The following ALK variants were observed in gnomAD, a reference collection of about 807,000 sequenced individuals.
The protein encoded by ALK is ALK tyrosine kinase receptor.
ALK carries 74 observed loss-of-function variants against 163.1 expected under a neutral mutation model. The ratio of observed to expected loss-of-function variants is 0.45; its 90% CI spans 0.38 to 0.55. The LOEUF is 0.55. ALK is among the 20% of genes least tolerant of loss of function. The pLI, the probability that ALK is intolerant of heterozygous loss-of-function variation, is 0.00. For synonymous variants in ALK, 960 were observed against 843.2 expected, an observed-to-expected ratio of 1.14 and a Z score of -2.40; for missense variants, 2,063 against 2,105.3, an observed-to-expected ratio of 0.98 and a Z score of 0.39.
intron 1 of ALK, among the ~76,000 whole-genome samples, chr2:29,736,224 A>G (rs544730363): frequency 7.2e-5 from 11 of 152,208 alleles, no homozygotes; most frequent in African/African-American, 2.7e-4. Context: ...AAAATTACAT[A>G]TATTGTATGA....
At chr2:29,421,333 G>A (rs1450870926) in intron 4 of ALK, among the ~76,000 whole-genome samples, 2 of 151,318 alleles carry the variant, frequency 1.3e-5, no homozygotes, top group African/African-American at 4.9e-5. Flanking sequence ...GATCGGGGTA[G>A]AAAAGAGAGT....
At chr2:29,415,118 C>G (rs1212970098) in intron 4 of ALK, among the ~76,000 whole-genome samples, 1 of 149,512 alleles carries the variant, frequency 6.7e-6, no homozygotes, top group Non-Finnish European at 1.5e-5. Context: ...GCTTCTTCTT[C>G]CCTCACTATA....
chr2:29,786,274 G>A (rs879401181), intron 1 of ALK, among the ~76,000 whole-genome samples: 5 of 152,026 alleles, frequency 3.3e-5, no homozygotes, highest in Non-Finnish European at 7.4e-5. Context: ...AAGGATAGGA[G>A]ATCCTCCCAT....
At chr2:29,276,576 A>G (rs1406236) in intron 9 of ALK, among the ~76,000 whole-genome samples, 138,063 of 152,186 alleles carry the variant, frequency 0.91, 63,580 homozygotes, top group Non-Finnish European at 0.99. Flanking sequence ...ACCAAGAGAA[A>G]GAAGTCATAC....
rs149394341 is a variant in ALK, at chr2:29,768,713, C to CTATGTGTGTGTGTGTG, written c.668-51017_668-51016insCACACACACACACATA. On this transcript the variant is annotated intron_variant, in intron 1 of 28. Coordinates refer to ENST00000389048, the MANE Select transcript of ALK (RefSeq NM_004304.5). ...TATAATTTTATTAAATTATATATGTCTGTGTGTGTGTGTGTGTGTGTGTGT... is the reference window on the plus strand; with the variant it reads ...TATAATTTTATTAAATTATATATGTCTATGTGTGTGTGTGTGTGTGTGTGTGTGTGTGTGTGTGTGT... Among the ~76,000 whole-genome samples the CTATGTGTGTGTGTGTG allele has an allele frequency of 9.5e-3, 1,351 of 142,906 alleles. 18 individuals carry two copies. The highest frequency in any genetic ancestry group is 0.03 in the African/African-American group (1,153 of 39,002). The allele number at this position is 142,906 out of a possible 152,430, so 93.8% of individuals were successfully genotyped here.
At chr2:29,845,459 A>G (rs1428786106) in intron 1 of ALK, among the ~76,000 whole-genome samples, 1 of 151,706 alleles carries the variant, frequency 6.6e-6, no homozygotes, top group Non-Finnish European at 1.5e-5. Context: ...TTTGAGACAG[A>G]GTTTTGCTCG....
intron 1 of ALK, among the ~76,000 whole-genome samples, chr2:29,775,312 A>C (rs1419197521): frequency 6.6e-6 from 1 of 152,224 alleles, no homozygotes; most frequent in Non-Finnish European, 1.5e-5. Context: ...AGTCAGAGAA[A>C]TGTTTCACTG....
chr2:29,381,974 A>G (rs1668908059), intron 5 of ALK, among the ~76,000 whole-genome samples: 1 of 152,222 alleles, frequency 6.6e-6, no homozygotes, highest in Non-Finnish European at 1.5e-5. Context: ...ACACATCCGT[A>G]TCAATCAATC....
chr2:29,707,249 C>T (rs1678936950), intron 2 of ALK, among the ~76,000 whole-genome samples: 1 of 152,098 alleles, frequency 6.6e-6, no homozygotes, highest in African/African-American at 2.4e-5. Context: ...TCCCCACTTA[C>T]TCTTCTGTCT....
At chr2:29,275,297 C>A in intron 10 of ALK, 70 bp from the exon 11 acceptor site, 1 of 1,612,330 alleles carries the variant, frequency 6.2e-7, no homozygotes, top group Non-Finnish European at 8.5e-7. Flanking sequence ...TGATTTCACA[C>A]TGAGGGAGGT....
At chr2:29,380,970 T>C (rs1186745577) in intron 5 of ALK, among the ~76,000 whole-genome samples, 1 of 152,240 alleles carries the variant, frequency 6.6e-6, no homozygotes, top group Admixed American at 6.5e-5. Context: ...GTAAAGGTTC[T>C]GGCAATTTGG....
At chr2:29,826,442 T>G (rs573289349) in intron 1 of ALK, among the ~76,000 whole-genome samples, 1 of 150,474 alleles carries the variant, frequency 6.6e-6, no homozygotes, top group African/African-American at 2.5e-5. Context: ...GCATCACCAG[T>G]TGATTTAAAA....
rs373752148 is a variant in ALK, at chr2:29,345,414, TTAAATAAA to T, written c.1283-16941_1283-16934del. ...ACTGAGTGTGAGACCCTGTCTTAAT[TTAAATAAA>T]TAAATAAATAAATAAATAAATAAAT... On this transcript the variant is annotated intron_variant, in intron 5 of 28. Transcript: ENST00000389048. Among the ~76,000 whole-genome samples, 935 of 147,550 alleles carry T rather than the reference TTAAATAAA, an allele frequency of 6.3e-3. 9 individuals are homozygous for T. The highest frequency in any genetic ancestry group is 0.017 in the African/African-American group (662 of 40,052).
intron 4 of ALK, among the ~76,000 whole-genome samples, chr2:29,462,648 C>G (rs774139327): frequency 5.3e-5 from 8 of 152,138 alleles, no homozygotes; most frequent in Non-Finnish European, 1.0e-4. Flanking sequence ...AAAAACCAAA[C>G]AATTTGTGTT....
At chr2:29,339,613 A>G (rs1424117538) in intron 5 of ALK, among the ~76,000 whole-genome samples, 1 of 152,222 alleles carries the variant, frequency 6.6e-6, no homozygotes, top group Non-Finnish European at 1.5e-5. Context: ...AGAAAATGGA[A>G]GTGGGCAAAC....
At chr2:29,821,768 C>T (rs1021394287) in intron 1 of ALK, among the ~76,000 whole-genome samples, 8 of 152,146 alleles carry the variant, frequency 5.3e-5, no homozygotes, top group African/African-American at 1.9e-4. Context: ...ATTCCTCAGG[C>T]CTGGGGGAAG....
chr2:29,691,897 C>T (rs1045723543), intron 3 of ALK, among the ~76,000 whole-genome samples: 2 of 152,160 alleles, frequency 1.3e-5, no homozygotes, highest in Non-Finnish European at 2.9e-5. Flanking sequence ...ACACAATTTC[C>T]ACTTGTCCCT....
At chr2:29,693,869 G>A (rs1291231080) in intron 3 of ALK, among the ~76,000 whole-genome samples, 1 of 152,134 alleles carries the variant, frequency 6.6e-6, no homozygotes, top group Non-Finnish European at 1.5e-5. Context: ...TGATCTTGGG[G>A]CAGTCACTCC....
chr2:29,829,313 A>T (rs918279799), intron 1 of ALK, among the ~76,000 whole-genome samples: 1 of 39,482 alleles, frequency 2.5e-5, no homozygotes, highest in Non-Finnish European at 5.2e-5. Flanking sequence ...AAAGTATAAT[A>T]AAAAAAAAAA....
Sources: gnomAD v4.1 joint callset for allele counts (sites outside exome capture counted in the v4.1 genomes callset) on GRCh38, gnomAD v4.1.1 for gene constraint, MANE v1.5 for transcripts, NCBI Gene and HGNC (gene_info 2026-07-23, HGNC 2026-07-21) for gene names.